The following UBR2 variants were observed in gnomAD, a reference collection of about 807,000 sequenced individuals.
UBR2 encodes ubiquitin protein ligase E3 component n-recognin 2, also known as E3 ubiquitin-protein ligase UBR2.
A neutral mutation model predicts 247.9 loss-of-function variants in UBR2; 92 were observed. That is an observed-to-expected ratio of 0.37 (90% CI 0.31 to 0.44). The LOEUF is 0.44. UBR2 is among the 20% of genes least tolerant of loss of function. The pLI is 1.00. For missense variants in UBR2, 1,613 were observed against 2,112.6 expected, an observed-to-expected ratio of 0.76 and a Z score of 4.64; for synonymous variants, 672 against 693.5, an observed-to-expected ratio of 0.97 and a Z score of 0.49.
chr6:42,644,312 A>G lies in UBR2; in HGVS notation c.2196A>G (p.Arg732=). The change falls in exon 19 of 47, where the codon AGA becomes AGG. Residue 732 remains arginine, a synonymous_variant. Coordinates refer to ENST00000372901, the MANE Select transcript of UBR2 (RefSeq NM_001363705.2). The part of the protein sequence containing the change: ...QIFSTPDYGK[R]FSSEITHKDV... ...TCAGTACTCCAGACTATGGAAAAAG[A>G]TTTAGTTCTGAGATTACCCATAAGG... 1 of 1,613,488 alleles carries G rather than the reference A, an allele frequency of 6.2e-7. No individual in the cohort carries two copies. Among genetic ancestry groups the G allele is most frequent in the Non-Finnish European group, 8.5e-7 (1 of 1,179,850 alleles).
chr6:42,676,643 G>C, intron 39 of UBR2, 140 bp from the exon 40 acceptor site: 1 of 687,842 alleles, frequency 1.5e-6, no homozygotes, highest in Non-Finnish European at 2.5e-6. Flanking sequence ...CCACTTGAGG[G>C]ATTACAATTT....
At chr6:42,668,922 C>CT (rs147433511) in intron 34 of UBR2, among the ~76,000 whole-genome samples, 23 of 148,244 alleles carry the variant, frequency 1.6e-4, no homozygotes, top group Middle Eastern at 3.5e-3. Flanking sequence ...TCTATTACTA[C>CT]TTTTTTTTTT....
chr6:42,637,319 C>A, intron 15 of UBR2, 125 bp downstream of exon 15: 1 of 1,050,726 alleles, frequency 9.5e-7, no homozygotes, highest in Non-Finnish European at 1.4e-6. Context: ...TTAACTTATC[C>A]AATCATCACA....
rs1203458322 is a variant in UBR2, at chr6:42,659,518, T to TACAC, written c.3243-137_3243-136insCACA. ...CTGTCTCAAAAAATAAATAAATATA[T>TACAC]ATACACACACACACACACACACACA... On this transcript the variant is annotated intron_variant, in intron 29 of 46. Transcript: ENST00000372901. This position sits in a 1 kb window ranked among gnomAD's most constrained non-coding sequence, Gnocchi z 4.3. 4.9e-5 allele frequency: 25 copies of TACAC among 508,498 alleles called. No homozygotes were observed. The African/African-American group carries it at 8.7e-4, about 18-fold the overall frequency. 31.5% of individuals were successfully genotyped at this position (508,498 alleles called of 1,614,324 possible).
intron 44 of UBR2, among the ~76,000 whole-genome samples, chr6:42,686,233 G>T (rs1057261775): frequency 1.3e-5 from 2 of 151,914 alleles, no homozygotes; most frequent in South Asian, 2.1e-4. Context: ...GCGGCCTTCC[G>T]CAGTGTTTGT....
At chr6:42,597,830 C>T (rs1323731862) in intron 4 of UBR2, among the ~76,000 whole-genome samples, 4 of 151,836 alleles carry the variant, frequency 2.6e-5, no homozygotes, top group African/African-American at 7.3e-5. Context: ...GCAAGAGAAT[C>T]GCTTGAACCC....
At chr6:42,640,522 T>C (rs957680394) in intron 16 of UBR2, among the ~76,000 whole-genome samples, 1 of 151,698 alleles carries the variant, frequency 6.6e-6, no homozygotes, top group East Asian at 1.9e-4. Context: ...CTGGCAAGTC[T>C]GAAATATGCA....
chr6:42,619,783 T>C (rs1395463533), intron 11 of UBR2: 2 of 215,896 alleles, frequency 9.3e-6, no homozygotes, highest in Non-Finnish European at 1.6e-5. Flanking sequence ...GGTGGCACGA[T>C]CACAGCTCAC....
At chr6:42,677,003 G>A (rs903370483) in intron 40 of UBR2, 130 bp downstream of exon 40, 20 of 713,430 alleles carry the variant, frequency 2.8e-5, no homozygotes, top group Non-Finnish European at 4.3e-5. Flanking sequence ...AAGACGTGGA[G>A]TGATCTGCAG....
Position 42,635,483 on chromosome 6 carries a change from C to T in UBR2, c.1611C>T (p.Ala537=). The T allele has an allele frequency of 1.2e-6, 2 of 1,613,666 alleles. No individual in the cohort carries two copies. Among genetic ancestry groups the T allele is most frequent in the South Asian group, 2.2e-5 (2 of 91,026 alleles). The change falls in exon 14 of 47, where the codon GCC becomes GCT. Residue 537 remains alanine (A), a synonymous_variant. Coordinates refer to ENST00000372901, the MANE Select transcript of UBR2 (RefSeq NM_001363705.2). ...HIEMEPEWEA[A]FTLQMKLTHV... The stretch of plus-strand genomic sequence containing the variant: ...AAATGGAACCAGAGTGGGAAGCAGC[C>T]TTCACACTACAAATGAAATTAACAC...
intron 11 of UBR2, chr6:42,620,204 C>A: frequency 5.0e-6 from 1 of 199,318 alleles, no homozygotes; most frequent in Non-Finnish European, 9.0e-6. Context: ...AAGATTTTAT[C>A]TATTCTAGTG....
chr6:42,674,225 C>T (rs1472808358), intron 38 of UBR2, 32 bp downstream of exon 38: 12 of 1,599,698 alleles, frequency 7.5e-6, no homozygotes, highest in East Asian at 2.2e-5. Context: ...TGGACTTCTA[C>T]GTCATACTAT....
At position 42,650,281 on chromosome 6, in the gene UBR2, C is replaced by T. The variant is rs777217686; in HGVS notation, c.2463-3C>T. 6.8e-6 allele frequency: 11 copies of T among 1,611,330 alleles called. No homozygotes were observed. The highest frequency in any genetic ancestry group is 9.3e-6 in the Non-Finnish European group (11 of 1,178,278). Reference sequence around the variant, plus strand: ...TAATATTCTAAGGTCCTTTCTTTCACAGGAAACCTGGATTAACAGGACGAG... The same window carrying T: ...TAATATTCTAAGGTCCTTTCTTTCATAGGAAACCTGGATTAACAGGACGAG... On this transcript the variant is annotated splice_region_variant and splice_polypyrimidine_tract_variant and intron_variant, in intron 22 of 46. Coordinates refer to ENST00000372901, the MANE Select transcript of UBR2 (RefSeq NM_001363705.2).
In UBR2 at chr6:42,612,195, C is replaced by T; in HGVS notation, c.889C>T (p.Pro297Ser). 1.9e-6 allele frequency: 3 copies of T among 1,547,194 alleles called. No homozygotes were observed. The highest frequency in any genetic ancestry group is 2.4e-5 in the South Asian group (2 of 82,562). The change falls in exon 8 of 47, where the codon CCA (proline) becomes TCA (serine). Residue 297 changes from proline to serine, a missense_variant. Pro to Ser is a moderately conservative substitution (Grantham distance 74). Coordinates refer to ENST00000372901, the MANE Select transcript of UBR2 (RefSeq NM_001363705.2). ...GAGAAATACCAGTAGACAGACAAAG[C>T]CACTCAAAGTTCAAGTTATGCATTC... ...IVRNTSRQTK[P>S]LKVQVMHSSI...
intron 2 of UBR2, among the ~76,000 whole-genome samples, chr6:42,582,829 A>G (rs1390174300): frequency 1.3e-5 from 2 of 151,896 alleles, no homozygotes; most frequent in Non-Finnish European, 2.9e-5. Context: ...CTATTTAATG[A>G]TATCTCATTA....
intron 18 of UBR2, among the ~76,000 whole-genome samples, chr6:42,643,008 T>A (rs1156241394): frequency 6.6e-6 from 1 of 152,140 alleles, no homozygotes; most frequent in Non-Finnish European, 1.5e-5. Flanking sequence ...AGCTAACTTA[T>A]TTTCCTGCTT....
intron 30 of UBR2, among the ~76,000 whole-genome samples, chr6:42,660,988 T>TTTGC (rs1562373490): frequency 4.7e-5 from 6 of 128,054 alleles, no homozygotes; most frequent in African/African-American, 1.8e-4. Context: ...TGTTTGTTTG[T>TTTGC]TTGTTTTTAA....
intron 2 of UBR2, among the ~76,000 whole-genome samples, chr6:42,591,519 A>T (rs976187387): frequency 3.9e-5 from 6 of 152,210 alleles, no homozygotes; most frequent in African/African-American, 1.4e-4. Flanking sequence ...CAACCTTTTG[A>T]AACTCTTCAG....
At position 42,605,856 on chromosome 6, in the gene UBR2, A is replaced by T. The variant is rs61732756; in HGVS notation, c.798A>T (p.Arg266=). 2,306 of 1,601,548 alleles carry T rather than the reference A, an allele frequency of 1.4e-3. 22 individuals are homozygous for T. The African/African-American group carries it at 0.028, about 19-fold the overall frequency. The change falls in exon 6 of 47, where the codon CGA becomes CGT. Residue 266 remains arginine (R), a synonymous_variant. Transcript: ENST00000372901. ...TTGGTTTTGCAACTACAGTAGATCG[A>T]GATGTAAGTAATTTTACCATGTTGA... ...EAIGFATTVD[R]DGRRSVRYGD... is the part of the protein sequence containing the mutation.
Sources: allele counts gnomAD v4.1 joint callset (sites outside exome capture counted in the v4.1 genomes callset), GRCh38; gene constraint gnomAD v4.1.1; non-coding constraint Gnocchi (gnomAD v3.1); transcripts MANE v1.5; gene names NCBI Gene and HGNC (gene_info 2026-07-23, HGNC 2026-07-21).